MICAL3: variants seen among roughly 807,000 people sequenced by gnomAD.
MICAL3 encodes the protein microtubule associated monooxygenase, calponin and LIM domain containing 3, also known as [F-actin]-monooxygenase MICAL3.
In MICAL3, 62 loss-of-function variants were observed where a neutral mutation model predicts 207.4. The ratio of observed to expected loss-of-function variants is 0.30; its 90% CI spans 0.24 to 0.37. The LOEUF is 0.37. MICAL3 is among the 10% of genes least tolerant of loss of function. MICAL3 has a pLI of 1.00. For synonymous variants in MICAL3, 1,077 were observed against 1,069.3 expected (o/e 1.01, Z -0.14); for missense variants, 2,368 against 2,635.6 (o/e 0.90, Z 2.22).
At chr22:17,819,486 C>T (rs192330548) in intron 25 of MICAL3, among the ~76,000 whole-genome samples, 9 of 152,258 alleles carry the variant, frequency 5.9e-5, no homozygotes, top group Admixed American at 3.3e-4. Flanking sequence ...AGATCCCTGA[C>T]GTACGTACAG....
chr22:17,866,399 C>T (rs1295739053), intron 17 of MICAL3, among the ~76,000 whole-genome samples: 1 of 152,172 alleles, frequency 6.6e-6, no homozygotes, highest in Non-Finnish European at 1.5e-5. Flanking sequence ...AGAATGAATA[C>T]AAGTGCAGGG....
intron 20 of MICAL3, among the ~76,000 whole-genome samples, chr22:17,834,997 C>G (rs1037252315): frequency 2.0e-4 from 31 of 152,220 alleles, no homozygotes; most frequent in Non-Finnish European, 2.6e-4. Flanking sequence ...GGCAGCAGGG[C>G]AGGGCCGCAC....
In MICAL3 at chr22:17,865,045, A is replaced by G. The variant is rs554923356; in HGVS notation, c.2518-59T>C. ...CTGACTGATGCACTCAAATCCTCAA[A>G]TCCCTAGAGGCACTGACAATCTGAC... On this transcript the variant is annotated intron_variant, in intron 18 of 31. Transcript: ENST00000441493. 152 of 1,522,572 alleles carry G rather than the reference A, an allele frequency of 1.0e-4. 1 individual carries two copies. The East Asian group carries it at 2.5e-3, about 25-fold the overall frequency. 94.3% of individuals were successfully genotyped at this position (1,522,572 alleles called of 1,614,324 possible).
chr22:17,962,741 C>T (rs1209125946), intron 1 of MICAL3, among the ~76,000 whole-genome samples: 1 of 118,296 alleles, frequency 8.5e-6, no homozygotes, highest in African/African-American at 3.1e-5. Flanking sequence ...ATGAGCTACA[C>T]AGGGCGGCAT....
At chr22:17,939,347 G>A (rs1417720786) in intron 1 of MICAL3, among the ~76,000 whole-genome samples, 1 of 152,210 alleles carries the variant, frequency 6.6e-6, no homozygotes, top group Non-Finnish European at 1.5e-5. Flanking sequence ...AGTGGGTCAG[G>A]GAACAGGGCC....
chr22:17,905,382 C>T (rs1267071723), intron 2 of MICAL3, among the ~76,000 whole-genome samples: 2 of 152,136 alleles, frequency 1.3e-5, no homozygotes, highest in African/African-American at 2.4e-5. Context: ...CTAGACTGAA[C>T]GTCCAGGAAC....
At position 17,974,538 on chromosome 22, in the gene MICAL3, A is replaced by C. The variant is rs753764484; in HGVS notation, c.-75+49743T>G. ...GTTGGCGTTCCAGACCAGCCTGGCC[A>C]ACATGGCAAAACCTTGTCTCTACTA... On this transcript the variant is annotated intron_variant, in intron 1 of 31. Coordinates refer to ENST00000441493, the MANE Select transcript of MICAL3 (RefSeq NM_015241.3). Among the ~76,000 whole-genome samples the C allele has an allele frequency of 5.1e-4, 77 of 152,202 alleles. 1 individual carries two copies. The highest frequency in any genetic ancestry group is 1.0e-3 in the Non-Finnish European group (68 of 68,044).
At chr22:18,023,715 C>A (rs1482579596) in intron 1 of MICAL3, among the ~76,000 whole-genome samples, 1 of 152,236 alleles carries the variant, frequency 6.6e-6, no homozygotes, top group African/African-American at 2.4e-5. Context: ...AGCCTGGGAG[C>A]GCAAGCGTGT....
At position 17,900,430 on chromosome 22, in the gene MICAL3, G is replaced by A. The variant is rs745564560; in HGVS notation, c.847+412C>T. Among the ~76,000 whole-genome samples, 2 of 152,066 alleles carry A rather than the reference G, an allele frequency of 1.3e-5. No homozygotes were observed. Among genetic ancestry groups the A allele is most frequent in the African/African-American group, 4.8e-5 (2 of 41,390 alleles). On this transcript the variant is annotated intron_variant, in intron 6 of 31. Transcript: ENST00000441493. This position sits in a 1 kb window ranked among gnomAD's most constrained non-coding sequence, Gnocchi z 4.0. ...AGCCCGGGCAACATGGCGAAACTCC[G>A]TCTCTACAAGTAATACGAAAAATTA...
rs556076930 is a variant in MICAL3 at position 18,008,166 on chromosome 22, G to A, written c.-75+16115C>T. Among the ~76,000 whole-genome samples the A allele has an allele frequency of 4.7e-3, 715 of 152,224 alleles. 3 individuals are homozygous for A. Among genetic ancestry groups the A allele is most frequent in the Non-Finnish European group, 7.8e-3 (530 of 68,014 alleles). On this transcript the variant is annotated intron_variant, in intron 1 of 31. Coordinates refer to ENST00000441493, the MANE Select transcript of MICAL3 (RefSeq NM_015241.3). ...GAGGCAGGAGAATCGCTTGAACCCA[G>A]GAGGTGGAGATTGCAGTAGCAGAGA...
intron 1 of MICAL3, among the ~76,000 whole-genome samples, chr22:17,919,787 T>C (rs1932756417): frequency 6.6e-6 from 1 of 152,192 alleles, no homozygotes; most frequent in African/African-American, 2.4e-5. Context: ...GACCTGTTCT[T>C]GCCATCAGAA....
chr22:17,996,683 A>T (rs1156508492), intron 1 of MICAL3, among the ~76,000 whole-genome samples: 2 of 152,176 alleles, frequency 1.3e-5, no homozygotes, highest in Non-Finnish European at 2.9e-5. Flanking sequence ...TGAATTCTAA[A>T]GACTGGAACC....
At chr22:17,875,681 GT>G (rs1569108143) in intron 16 of MICAL3, 1 of 87,022 alleles carries the variant, frequency 1.1e-5, no homozygotes, top group South Asian at 1.4e-4. Flanking sequence ...ACCATGTATA[GT>G]AAAAAAAAAA....
At chr22:18,012,914 C>G (rs1478970204) in intron 1 of MICAL3, among the ~76,000 whole-genome samples, 2 of 152,182 alleles carry the variant, frequency 1.3e-5, no homozygotes, top group Non-Finnish European at 2.9e-5. Context: ...GCATTCAGAC[C>G]CCCTTGCTTG....
In MICAL3 at chr22:17,796,729, G is replaced by GT. The variant is rs1256583427; in HGVS notation, c.5651-5429dup. ...CGTCTTCTGAAGAGGCCCTGAGAGG[G>GT]TAAGTAGAGTCTGTTTTGTCTGTGC... On this transcript the variant is annotated intron_variant, in intron 29 of 31. Coordinates refer to ENST00000441493, the MANE Select transcript of MICAL3 (RefSeq NM_015241.3). This position sits in a 1 kb window ranked among gnomAD's most constrained non-coding sequence, Gnocchi z 4.4. Among the ~76,000 whole-genome samples the GT allele has an allele frequency of 6.6e-6, 1 of 152,226 alleles. No individual in the cohort carries two copies. The highest frequency in any genetic ancestry group is 1.5e-5 in the Non-Finnish European group (1 of 68,036).
intron 20 of MICAL3, among the ~76,000 whole-genome samples, chr22:17,833,361 G>A (rs1053045960): frequency 4.6e-5 from 7 of 152,210 alleles, no homozygotes; most frequent in East Asian, 1.9e-4. Flanking sequence ...GCCATGGCCC[G>A]ACCTCTGGCC....
chr22:17,857,579 C>A (rs1056866671), intron 19 of MICAL3, among the ~76,000 whole-genome samples: 2 of 152,210 alleles, frequency 1.3e-5, no homozygotes, highest in Admixed American at 1.3e-4. Flanking sequence ...CACACCTGGG[C>A]AGTCTCATGT....
chr22:17,933,175 T>G (rs1389191464), intron 1 of MICAL3, among the ~76,000 whole-genome samples: 2 of 152,222 alleles, frequency 1.3e-5, no homozygotes, highest in South Asian at 2.1e-4. Context: ...TACATTCTTG[T>G]CAGCACCACA....
intron 1 of MICAL3, among the ~76,000 whole-genome samples, chr22:18,020,836 C>A (rs1480271452): frequency 6.6e-6 from 1 of 151,488 alleles, no homozygotes; most frequent in Non-Finnish European, 1.5e-5. Flanking sequence ...ATCACTTGAA[C>A]CTGGGAAGCG....
Sources: allele counts gnomAD v4.1 joint callset (sites outside exome capture counted in the v4.1 genomes callset), GRCh38; gene constraint gnomAD v4.1.1; non-coding constraint Gnocchi (gnomAD v3.1); transcripts MANE v1.5; gene names NCBI Gene and HGNC (gene_info 2026-07-23, HGNC 2026-07-21).